Variants in CROT observed in about 807,000 individuals in gnomAD.
The protein encoded by CROT is carnitine O-octanoyltransferase.
In CROT, 84 loss-of-function variants were observed where a neutral mutation model predicts 89.2. The observed-to-expected ratio is 0.94, with a 90% CI of 0.79 to 1.13. The LOEUF (loss-of-function observed/expected upper bound fraction) is 1.13, where lower values mean the gene tolerates loss of function less well. Ranked by LOEUF, CROT falls within the 50% of genes most tolerant of loss-of-function variation. The pLI is 0.00. For synonymous variants in CROT, 212 were observed against 239.5 expected (o/e 0.89, Z 1.06); for missense variants, 711 against 727.8 (o/e 0.98, Z 0.27).
intron 13 of CROT, among the ~76,000 whole-genome samples, chr7:87,385,541 A>G (rs923387279): frequency 6.6e-6 from 1 of 152,188 alleles, no homozygotes; most frequent in East Asian, 1.9e-4. Context: ...TGTTGATTTT[A>G]TATCTTGCAA....
intron 7 of CROT, among the ~76,000 whole-genome samples, chr7:87,371,618 A>G (rs1048316586): frequency 1.3e-5 from 2 of 152,164 alleles, no homozygotes; most frequent in African/African-American, 4.8e-5. Context: ...CCACAGTGGC[A>G]TTGTTTTTTC....
intron 3 of CROT, among the ~76,000 whole-genome samples, chr7:87,353,097 AG>A: frequency 6.6e-6 from 1 of 152,304 alleles, no homozygotes; most frequent in African/African-American, 2.4e-5. Context: ...GCACTTGATA[AG>A]GACCCTTTTA....
chr7:87,383,315 CGAGATCAATTTT>C (rs1807084045), intron 13 of CROT, among the ~76,000 whole-genome samples: 2 of 152,120 alleles, frequency 1.3e-5, no homozygotes, highest in South Asian at 4.1e-4. Flanking sequence ...TCTACTTCCA[CGAGATCAATTTT>C]TTTTAACTCC....
At chr7:87,376,840 T>A (rs533650038) in intron 9 of CROT, among the ~76,000 whole-genome samples, 16 of 152,270 alleles carry the variant, frequency 1.1e-4, no homozygotes, top group African/African-American at 3.8e-4. Flanking sequence ...GTCTGTGAGG[T>A]ACACTGATAT....
chr7:87,375,609 A>G, intron 7 of CROT, 23 bp from the exon 8 acceptor site: 1 of 1,569,450 alleles, frequency 6.4e-7, no homozygotes, highest in Non-Finnish European at 8.8e-7. Flanking sequence ...CTCTTTTTTA[A>G]TCTTCTTTTC....
rs1296240467 is a variant in CROT at position 87,399,500 on chromosome 7, C to T, written c.*856C>T. On this transcript the variant is annotated 3_prime_UTR_variant, in exon 18 of 18. Transcript: ENST00000331536. The stretch of plus-strand genomic sequence containing the variant: ...AAAGAAGAAAAAAAGAGAAAAATAA[C>T]TCTTTTGAACAAACAGACAAATTAG... 1 of 152,130 alleles carries T rather than the reference C, an allele frequency of 6.6e-6. No homozygotes were observed. The highest frequency in any genetic ancestry group is 1.5e-5 in the Non-Finnish European group (1 of 68,026). The allele number at this position is 152,130 out of a possible 1,614,324, so 9.4% of individuals were successfully genotyped here.
At chr7:87,390,590 T>G (rs535476044) in intron 13 of CROT, among the ~76,000 whole-genome samples, 1 of 152,298 alleles carries the variant, frequency 6.6e-6, no homozygotes, top group East Asian at 1.9e-4. Context: ...CAGAGACTTT[T>G]CACTCTCACT....
At chr7:87,385,767 G>A (rs1157156159) in intron 13 of CROT, among the ~76,000 whole-genome samples, 2 of 152,182 alleles carry the variant, frequency 1.3e-5, no homozygotes, top group African/African-American at 4.8e-5. Context: ...GATCTTAGAG[G>A]AAAGTCTTGC....
At chr7:87,393,252 C>G (rs1339430999) in intron 17 of CROT, among the ~76,000 whole-genome samples, 185 bp downstream of exon 17, 1 of 152,126 alleles carries the variant, frequency 6.6e-6, no homozygotes, top group Non-Finnish European at 1.5e-5. Flanking sequence ...TTTTGAGACA[C>G]TTGTCAGATT....
rs530242910 is a variant in CROT at position 87,379,910 on chromosome 7, G to A, written c.979-2000G>A. Among the ~76,000 whole-genome samples, 4 of 152,146 alleles carry A rather than the reference G, an allele frequency of 2.6e-5. No individual in the cohort carries two copies. In the East Asian group the frequency reaches 7.7e-4, roughly 29 times the overall value. On this transcript the variant is annotated intron_variant, in intron 10 of 17. Coordinates refer to ENST00000331536, the MANE Select transcript of CROT (RefSeq NM_021151.4). ...GGGAGGATTTGATTCCAGCAGTTCA[G>A]CACCAGCTTGGGCAACATAGTGAGA...
At chr7:87,366,070 AT>A (rs1375720848) in intron 6 of CROT, among the ~76,000 whole-genome samples, 2 of 151,996 alleles carry the variant, frequency 1.3e-5, no homozygotes, top group African/African-American at 4.8e-5. Flanking sequence ...TTTGATCCAA[AT>A]TTCCCATTGC....
chr7:87,352,024 A>G (rs1055482945), intron 3 of CROT, among the ~76,000 whole-genome samples: 1 of 152,166 alleles, frequency 6.6e-6, no homozygotes, highest in African/African-American at 2.4e-5. Context: ...CTGTTTTGTC[A>G]ATCTTATGAT....
Position 87,361,736 on chromosome 7 carries a change from T to A in CROT, c.431T>A (p.Val144Glu). The A allele has an allele frequency of 6.3e-7, 1 of 1,577,462 alleles. No homozygotes were observed. The highest frequency in any genetic ancestry group is 8.6e-7 in the Non-Finnish European group (1 of 1,167,738). ...NYWQLLRKEK[V>E]PVHKVGNTPL... ...AATCCTTTTTTTAATAGAGAAAAAG[T>A]GCCTGTTCATAAAGTTGGAAATACT... Residue 144 changes from valine to glutamate, a missense_variant, in exon 6 of 18, where the codon GTG (valine) becomes GAG (glutamate). Transcript: ENST00000331536.
At chr7:87,358,405 C>A (rs1208712041) in intron 3 of CROT, among the ~76,000 whole-genome samples, 1 of 148,142 alleles carries the variant, frequency 6.8e-6, no homozygotes, top group East Asian at 2.0e-4. Context: ...TGGTGTGAAC[C>A]CAGGAGGCGG....
At chr7:87,382,915 A>G (rs1807068072) in intron 13 of CROT, among the ~76,000 whole-genome samples, 1 of 152,222 alleles carries the variant, frequency 6.6e-6, no homozygotes, top group African/African-American at 2.4e-5. Context: ...TAGGAGCGAC[A>G]TTAATTTTGT....
rs765930660 is a variant in CROT at position 87,375,831 on chromosome 7, C to A, written c.754C>A (p.Arg252=). The change falls in exon 9 of 18, where the codon CGA becomes AGA. Residue 252 remains arginine (R), a synonymous_variant. Coordinates refer to ENST00000331536, the MANE Select transcript of CROT (RefSeq NM_021151.4). ...TCATCATCTCCTTGCCCTTTAGGCA[C>A]GAGAATATCTGATTGGTCTTGATCC... ...SEERTRWAKA[R]EYLIGLDPEN... The A allele has an allele frequency of 6.2e-7, 1 of 1,613,256 alleles. No individual in the cohort carries two copies. Among genetic ancestry groups the A allele is most frequent in the Non-Finnish European group, 8.5e-7 (1 of 1,179,476 alleles).
At chr7:87,346,624 AT>A (rs1805687015) in intron 2 of CROT, among the ~76,000 whole-genome samples, 194 bp downstream of exon 2, 1 of 152,192 alleles carries the variant, frequency 6.6e-6, no homozygotes. Context: ...GAATCCAATA[AT>A]TTATATTTTT....
At chr7:87,356,882 C>T (rs1315821259) in intron 3 of CROT, among the ~76,000 whole-genome samples, 4 of 152,000 alleles carry the variant, frequency 2.6e-5, no homozygotes, top group African/African-American at 4.8e-5. Context: ...ATTAGCTGGG[C>T]GTGGTGGTGG....
At chr7:87,390,827 T>C (rs1343895361) in intron 13 of CROT, among the ~76,000 whole-genome samples, 1 of 152,246 alleles carries the variant, frequency 6.6e-6, no homozygotes, top group African/African-American at 2.4e-5. Flanking sequence ...CAAAACGTAG[T>C]GGCTTAAAAC....
Sources: allele counts gnomAD v4.1 joint callset (sites outside exome capture counted in the v4.1 genomes callset), GRCh38; gene constraint gnomAD v4.1.1; transcripts MANE v1.5; gene names NCBI Gene and HGNC (gene_info 2026-07-23, HGNC 2026-07-21).